FRMPD2: variants seen among roughly 807,000 people sequenced by gnomAD.
The protein encoded by FRMPD2 is FERM and PDZ domain-containing protein 2.
In FRMPD2, 96 loss-of-function variants were observed where a neutral mutation model predicts 140.1. That is an observed-to-expected ratio of 0.69 (90% CI 0.58 to 0.81). The LOEUF (loss-of-function observed/expected upper bound fraction) is 0.81. Among genes scored for constraint, FRMPD2 ranks in the 40% least tolerant of loss-of-function variants. The pLI is 0.00. For synonymous variants in FRMPD2, 449 were observed against 547.6 expected, an observed-to-expected ratio of 0.82 and a Z score of 2.52; for missense variants, 1,240 against 1,447.4, an observed-to-expected ratio of 0.86 and a Z score of 2.32.
At chr10:48,261,682 A>G (rs1278613765) in intron 1 of FRMPD2, among the ~76,000 whole-genome samples, 1 of 152,204 alleles carries the variant, frequency 6.6e-6, no homozygotes, top group Non-Finnish European at 1.5e-5. Flanking sequence ...AAAATGATAC[A>G]GAAGAGAAAC....
At chr10:48,268,058 T>G (rs1246707112) in intron 1 of FRMPD2, among the ~76,000 whole-genome samples, 1 of 152,060 alleles carries the variant, frequency 6.6e-6, no homozygotes, top group Non-Finnish European at 1.5e-5. Flanking sequence ...ACAATCCAAT[T>G]AGAAAAATGA....
chr10:48,240,528 G>A, intron 5 of FRMPD2, 36 bp from the exon 6 acceptor site: 2 of 1,610,920 alleles, frequency 1.2e-6, no homozygotes, highest in Non-Finnish European at 8.5e-7. Context: ...CACATCCCAA[G>A]ATAAGGAGGG....
intron 12 of FRMPD2, among the ~76,000 whole-genome samples, chr10:48,218,433 T>G (rs1162773063): frequency 6.6e-6 from 1 of 152,218 alleles, no homozygotes; most frequent in Non-Finnish European, 1.5e-5. Flanking sequence ...TCTGGCCACA[T>G]GTGACTATTC....
rs921214665 is a variant in FRMPD2 at position 48,220,754 on chromosome 10, C to T, written c.1455+1559G>A. On this transcript the variant is annotated intron_variant, in intron 12 of 28. Coordinates refer to ENST00000374201, the MANE Select transcript of FRMPD2 (RefSeq NM_001018071.4). ...AACAAATCAGCAAGAAAAAAGCAAACGATTTCATCAGAAAGTAGACTAAGG... is the reference window on the plus strand; with the variant it reads ...AACAAATCAGCAAGAAAAAAGCAAATGATTTCATCAGAAAGTAGACTAAGG... Among the ~76,000 whole-genome samples the T allele has an allele frequency of 3.9e-5, 6 of 152,162 alleles. No individual in the cohort carries two copies. In the East Asian group the frequency reaches 7.7e-4, roughly 20 times the overall value.
chr10:48,207,009 T>A, intron 13 of FRMPD2, 76 bp from the exon 14 acceptor site: 1 of 1,321,138 alleles, frequency 7.6e-7, no homozygotes, highest in Non-Finnish European at 1.0e-6. Context: ...ATTCACTCCA[T>A]GCAAAACACA....
intron 1 of FRMPD2, among the ~76,000 whole-genome samples, chr10:48,264,872 T>C (rs1401304595): frequency 6.6e-6 from 1 of 152,082 alleles, no homozygotes; most frequent in Non-Finnish European, 1.5e-5. Context: ...GTAGGACTGA[T>C]CCAACTATCC....
chr10:48,193,115 GCT>G (rs1388897326), intron 15 of FRMPD2, among the ~76,000 whole-genome samples: 5 of 152,338 alleles, frequency 3.3e-5, no homozygotes, highest in South Asian at 2.1e-4. Context: ...GAGACGAGAT[GCT>G]CTCTCTCCCC....
intron 14 of FRMPD2, among the ~76,000 whole-genome samples, chr10:48,204,741 C>A (rs1369645199): frequency 6.6e-6 from 1 of 151,988 alleles, no homozygotes; most frequent in Non-Finnish European, 1.5e-5. Context: ...ACTTTGTATT[C>A]TTTTTCATAA....
chr10:48,225,030 A>AATAATC (rs1839691772), intron 10 of FRMPD2, among the ~76,000 whole-genome samples: 1 of 152,212 alleles, frequency 6.6e-6, no homozygotes, highest in South Asian at 2.1e-4. Context: ...TGGTACAAAG[A>AATAATC]ATAATCATAC....
intron 23 of FRMPD2, chr10:48,175,249 C>T (rs1838377069): frequency 2.4e-6 from 2 of 836,188 alleles, no homozygotes; most frequent in African/African-American, 1.7e-5. Flanking sequence ...TCCTGTGAAA[C>T]CATTTTTGGA....
In FRMPD2 at chr10:48,222,361, C is replaced by A. The variant is rs779880903; in HGVS notation, c.1407G>T (p.Gln469His). The A allele has an allele frequency of 1.2e-6, 2 of 1,614,212 alleles. No individual in the cohort carries two copies. Among genetic ancestry groups the A allele is most frequent in the East Asian group, 2.2e-5 (1 of 44,894 alleles). Reference sequence around the variant, plus strand: ...CAGCCTGCAAGGCAAGGACCCCCAGCTGCAGCAGTATCTCTTCATTGCAGT... The same window carrying A: ...CAGCCTGCAAGGCAAGGACCCCCAGATGCAGCAGTATCTCTTCATTGCAGT... ...RLYCNEEILL[Q>H]LGVLALQAEF... is the part of the protein sequence containing the mutation. The change falls in exon 12 of 29, where the codon CAG becomes CAT. Residue 469 changes from glutamine (Q) to histidine (H), a missense_variant. Around this residue, in one of 6 missense-constraint regions of FRMPD2, gnomAD observed 1,161 missense variants for 1,055.9 expected, o/e 1.10. Transcript: ENST00000374201.
At chr10:48,247,911 G>C (rs1220626507) in intron 3 of FRMPD2, among the ~76,000 whole-genome samples, 1 of 152,202 alleles carries the variant, frequency 6.6e-6, no homozygotes, top group Non-Finnish European at 1.5e-5. Flanking sequence ...ATGTGGGCCT[G>C]GATGCCAGAG....
At chr10:48,204,530 C>T (rs931822522) in intron 14 of FRMPD2, among the ~76,000 whole-genome samples, 1 of 152,070 alleles carries the variant, frequency 6.6e-6, no homozygotes, top group Non-Finnish European at 1.5e-5. Flanking sequence ...AAAGCGCCAT[C>T]ATACAGAAAA....
At chr10:48,241,267 C>T (rs893844169) in intron 5 of FRMPD2, among the ~76,000 whole-genome samples, 4 of 152,182 alleles carry the variant, frequency 2.6e-5, no homozygotes, top group African/African-American at 7.2e-5. Flanking sequence ...CCACTTTGGC[C>T]CTCATTAATC....
chr10:48,211,987 C>A lies in FRMPD2; in HGVS notation c.1578G>T (p.Leu526=), dbSNP rs1369047868. The A allele has an allele frequency of 6.2e-7, 1 of 1,613,970 alleles. No individual in the cohort carries two copies. The highest frequency in any genetic ancestry group is 1.1e-5 in the South Asian group (1 of 91,026). ...ACTTCAGCTCAGCATCCTCTCCCCA[C>A]AGTGCAGAGCTGAGCCGGTGCATCT... ...VSEMHRLSSA[L]WGEDAELKFL... The change falls in exon 13 of 29, where the codon CTG becomes CTT. Residue 526 remains leucine (L), a synonymous_variant. Coordinates refer to ENST00000374201, the MANE Select transcript of FRMPD2 (RefSeq NM_001018071.4).
Position 48,251,616 on chromosome 10 carries a change from C to T in FRMPD2, c.101G>A (p.Trp34Ter). ...CTCAGCGGCCAGGAACAGGAGGGAC[C>T]AGATTTCCTCCTCAGACAGAGCTTC... The part of the protein sequence containing the change: ...RGEALSEEEI[W>*]SLLFLAAEQL... Residue 34 changes from tryptophan (W) to a stop codon, truncating the protein, a stop_gained, in exon 2 of 29, where the codon TGG (tryptophan) becomes TAG (stop). Transcript: ENST00000374201. LOFTEE classifies it high-confidence loss of function. 1 of 1,614,198 alleles carries T rather than the reference C, an allele frequency of 6.2e-7. No homozygotes were observed. Among genetic ancestry groups the T allele is most frequent in the East Asian group, 2.2e-5 (1 of 44,880 alleles).
At chr10:48,266,632 CCCAGACATTA>C (rs1337582153) in intron 1 of FRMPD2, among the ~76,000 whole-genome samples, 1 of 152,190 alleles carries the variant, frequency 6.6e-6, no homozygotes, top group Non-Finnish European at 1.5e-5. Flanking sequence ...CTAGGGAGAG[CCCAGACATTA>C]CACTCATCCA....
Position 48,239,595 on chromosome 10 carries a change from T to G in FRMPD2, c.788+10A>C, listed in dbSNP as rs1194328815. On this transcript the variant is annotated intron_variant, in intron 7 of 28. Coordinates refer to ENST00000374201, the MANE Select transcript of FRMPD2 (RefSeq NM_001018071.4). ...CAAGTTCACAGCACCCTTTAGGCCTTGCTGCTTACCGGTTAACAAGGAGGC... is the reference window on the plus strand; with the variant it reads ...CAAGTTCACAGCACCCTTTAGGCCTGGCTGCTTACCGGTTAACAAGGAGGC... The G allele has an allele frequency of 6.2e-7, 1 of 1,611,158 alleles. No homozygotes were observed. The highest frequency in any genetic ancestry group is 2.2e-5 in the East Asian group (1 of 44,876).
intron 12 of FRMPD2, among the ~76,000 whole-genome samples, chr10:48,218,442 T>G (rs997206957): frequency 7.2e-5 from 11 of 152,200 alleles, no homozygotes; most frequent in Admixed American, 7.2e-4. Flanking sequence ...ATGTGACTAT[T>G]CACTTTCTTT....
Sources: allele counts gnomAD v4.1 joint callset (sites outside exome capture counted in the v4.1 genomes callset), GRCh38; gene constraint gnomAD v4.1.1; regional missense constraint gnomAD v4.1.1; transcripts MANE v1.5; gene names NCBI Gene and HGNC (gene_info 2026-07-23, HGNC 2026-07-21).